NXN: variants seen among roughly 807,000 people sequenced by gnomAD.
NXN encodes nucleoredoxin 1.
In NXN, 16 loss-of-function variants were observed where a neutral mutation model predicts 48.6. The ratio of observed to expected loss-of-function variants is 0.33; its 90% CI spans 0.22 to 0.50. The LOEUF is 0.50. NXN is among the 20% of genes least tolerant of loss of function. The pLI is 0.98. For synonymous variants in NXN, 281 were observed against 269.6 expected (o/e 1.04, Z -0.41); for missense variants, 492 against 605.5 (o/e 0.81, Z 1.97).
intron 1 of NXN, among the ~76,000 whole-genome samples, chr17:965,504 T>A (rs891400000): frequency 3.9e-5 from 6 of 152,164 alleles, no homozygotes; most frequent in Admixed American, 3.3e-4. Context: ...GAGGGCCTCC[T>A]ACAATAAACA....
intron 1 of NXN, among the ~76,000 whole-genome samples, chr17:892,652 G>T (rs867173295): frequency 1.4e-4 from 22 of 152,218 alleles, no homozygotes; most frequent in African/African-American, 2.2e-4. Flanking sequence ...GGGGTGTGTG[G>T]GGGGGTGCTG....
At chr17:885,782 G>A (rs1443301237) in intron 1 of NXN, among the ~76,000 whole-genome samples, 4 of 143,638 alleles carry the variant, frequency 2.8e-5, no homozygotes, top group Admixed American at 1.4e-4. Context: ...CCGGGTTCAC[G>A]CCATTCTCCT....
At chr17:900,779 T>C (rs1240160080) in intron 1 of NXN, among the ~76,000 whole-genome samples, 48 of 152,112 alleles carry the variant, frequency 3.2e-4, no homozygotes, top group Admixed American at 3.1e-3. Flanking sequence ...GAAAGTTTTC[T>C]AATATTTAAA....
chr17:954,181 C>T (rs1207494041), intron 1 of NXN, among the ~76,000 whole-genome samples: 1 of 152,118 alleles, frequency 6.6e-6, no homozygotes, highest in Non-Finnish European at 1.5e-5. Flanking sequence ...AGTTCGAGAC[C>T]AGCCTGGCCA....
Position 846,432 on chromosome 17 carries a change from GA to G in NXN, c.361-20355del, listed in dbSNP as rs796966259. On this transcript the variant is annotated intron_variant, in intron 1 of 7. Coordinates refer to ENST00000336868, the MANE Select transcript of NXN (RefSeq NM_022463.5). The stretch of plus-strand genomic sequence containing the variant: ...TTGTCTCAAAAAAAAAAAAAAAAAA[GA>G]AAAGAAAAAAGAAAAAAAATTTTAA... 2.6e-3 allele frequency among the ~76,000 whole-genome samples: 239 copies of G among 93,500 alleles called. 2 individuals carry two copies. The highest frequency in any genetic ancestry group is 7.4e-3 in the African/African-American group (193 of 26,044). 61.3% of individuals were successfully genotyped at this position (93,500 alleles called of 152,430 possible).
chr17:843,726 T>C (rs1471314672), intron 1 of NXN, among the ~76,000 whole-genome samples: 1 of 152,156 alleles, frequency 6.6e-6, no homozygotes, highest in Non-Finnish European at 1.5e-5. Context: ...CTGCTGACAT[T>C]ACTAGGAAAG....
rs576204003 is a variant in NXN at position 880,302 on chromosome 17, TATAAAATACAAGAACTAAATACCTTGG to T, written c.361-54251_361-54225del. 1.1e-3 allele frequency among the ~76,000 whole-genome samples: 170 copies of T among 152,278 alleles called. 1 individual carries two copies. Among genetic ancestry groups the T allele is most frequent in the African/African-American group, 3.9e-3 (162 of 41,550 alleles). ...GGAGGCGTCTCTTTATTTCCTTGTA[TATAAAATACAAGAACTAAATACCTTGG>T]ATTAACAACCAGGGCTGGGGTTTGT... On this transcript the variant is annotated intron_variant, in intron 1 of 7. Transcript: ENST00000336868.
intron 1 of NXN, among the ~76,000 whole-genome samples, chr17:846,868 G>A (rs566304302): frequency 5.0e-4 from 75 of 150,440 alleles, no homozygotes; most frequent in Non-Finnish European, 7.4e-4. Flanking sequence ...GAAAAATGGT[G>A]GGGGTGGAGG....
At chr17:967,754 G>A (rs969888784) in intron 1 of NXN, among the ~76,000 whole-genome samples, 11 of 152,138 alleles carry the variant, frequency 7.2e-5, no homozygotes, top group Admixed American at 1.3e-4. Flanking sequence ...GGTGGATCAC[G>A]AGGTCAGGAG....
intron 1 of NXN, among the ~76,000 whole-genome samples, chr17:889,862 G>A (rs1473510205): frequency 6.6e-6 from 1 of 152,180 alleles, no homozygotes; most frequent in Non-Finnish European, 1.5e-5. Context: ...TCAAGTCTAA[G>A]GCTGTGGATA....
chr17:961,230 C>T (rs1028770000), intron 1 of NXN, among the ~76,000 whole-genome samples: 3 of 151,874 alleles, frequency 2.0e-5, no homozygotes, highest in Non-Finnish European at 4.4e-5. Flanking sequence ...CCCTTCTCTG[C>T]TAAAAATACA....
intron 5 of NXN, among the ~76,000 whole-genome samples, chr17:816,916 C>T (rs954824218): frequency 3.9e-5 from 6 of 152,180 alleles, no homozygotes; most frequent in Admixed American, 1.3e-4. Flanking sequence ...CAGGCACGGG[C>T]ACCTTAAGTG....
chr17:879,135 A>C (rs145478015), intron 1 of NXN, among the ~76,000 whole-genome samples: 2,661 of 152,156 alleles, frequency 0.017, 39 homozygotes, highest in Non-Finnish European at 0.027. Flanking sequence ...ATTGCACTCC[A>C]GCCTGGGCAA....
chr17:850,985 C>G (rs530659452), intron 1 of NXN, among the ~76,000 whole-genome samples: 50 of 152,342 alleles, frequency 3.3e-4, no homozygotes, highest in African/African-American at 1.2e-3. Context: ...GACGATGCCA[C>G]TACTCACTTG....
intron 6 of NXN, 148 bp downstream of exon 6, chr17:804,920 C>T: frequency 2.3e-6 from 2 of 858,182 alleles, no homozygotes; most frequent in Non-Finnish European, 3.6e-6. Context: ...TCATTGGGGT[C>T]AAAAGCAAGG....
chr17:943,917 C>T (rs2069011981), intron 1 of NXN, among the ~76,000 whole-genome samples: 1 of 151,740 alleles, frequency 6.6e-6, no homozygotes. Flanking sequence ...AGTTGTTTAA[C>T]TCGACAATCC....
intron 1 of NXN, among the ~76,000 whole-genome samples, chr17:949,657 C>T (rs867664466): frequency 6.5e-5 from 1 of 15,350 alleles, no homozygotes; most frequent in Non-Finnish European, 2.1e-4. Flanking sequence ...CTCCTCTCCC[C>T]GTTGCCTCCT....
intron 1 of NXN, among the ~76,000 whole-genome samples, chr17:904,353 C>T (rs757602019): frequency 1.3e-4 from 20 of 152,072 alleles, no homozygotes; most frequent in Non-Finnish European, 2.1e-4. Context: ...CCCGTGGCCA[C>T]GAAGGACAAA....
intron 6 of NXN, 110 bp from the exon 7 acceptor site, chr17:803,916 C>T (rs868193319): frequency 1.0e-5 from 15 of 1,434,216 alleles, no homozygotes; most frequent in African/African-American, 1.4e-5. Flanking sequence ...GCCTGAGCGG[C>T]CCCTGAACGG....
Sources: gnomAD v4.1 joint callset for allele counts (sites outside exome capture counted in the v4.1 genomes callset) on GRCh38, gnomAD v4.1.1 for gene constraint, MANE v1.5 for transcripts, NCBI Gene and HGNC (gene_info 2026-07-23, HGNC 2026-07-21) for gene names.